CNTN5: variants seen among roughly 807,000 people sequenced by gnomAD.
CNTN5 encodes the protein contactin-5.
In CNTN5, 77 loss-of-function variants were observed where a neutral mutation model predicts 129.1. The observed-to-expected ratio is 0.60, with a 90% CI of 0.50 to 0.72. The LOEUF (loss-of-function observed/expected upper bound fraction) is 0.72. CNTN5 is among the 30% of genes least tolerant of loss of function. CNTN5 has a pLI of 0.00. For missense variants in CNTN5, 1,478 were observed against 1,328.8 expected (o/e 1.11, Z -1.75); for synonymous variants, 509 against 465.6 (o/e 1.09, Z -1.20).
At chr11:99,640,410 C>CG (rs1951728939) in intron 3 of CNTN5, among the ~76,000 whole-genome samples, 1 of 152,240 alleles carries the variant, frequency 6.6e-6, no homozygotes, top group South Asian at 2.1e-4. Context: ...GAAGCAAAAG[C>CG]GGAAACCCCT....
intron 1 of CNTN5, among the ~76,000 whole-genome samples, chr11:99,257,531 T>C (rs1015602891): frequency 1.3e-5 from 2 of 152,126 alleles, no homozygotes; most frequent in Non-Finnish European, 2.9e-5. Context: ...AAGAACATTG[T>C]GGATATTCAT....
At chr11:99,701,393 G>A (rs573444847) in intron 3 of CNTN5, among the ~76,000 whole-genome samples, 36 of 151,276 alleles carry the variant, frequency 2.4e-4, no homozygotes, top group African/African-American at 8.4e-4. Flanking sequence ...TTTTCAATAG[G>A]TAATAGAATA....
chr11:100,140,533 G>T (rs912770610), intron 13 of CNTN5, among the ~76,000 whole-genome samples: 10 of 152,138 alleles, frequency 6.6e-5, no homozygotes, highest in Admixed American at 2.0e-4. Flanking sequence ...GAACTAGAAG[G>T]ATGGAGTTGA....
At chr11:99,334,084 G>A (rs1866118364) in intron 2 of CNTN5, among the ~76,000 whole-genome samples, 1 of 151,572 alleles carries the variant, frequency 6.6e-6, no homozygotes, top group Admixed American at 6.6e-5. Flanking sequence ...AACTAAAAAG[G>A]CCAGCACATA....
chr11:99,088,412 G>A (rs1866089931), intron 1 of CNTN5, among the ~76,000 whole-genome samples: 1 of 152,112 alleles, frequency 6.6e-6, no homozygotes, highest in African/African-American at 2.4e-5. Flanking sequence ...GATCAAGGCC[G>A]TGATCTTTAA....
At chr11:100,112,877 T>TTATGAC (rs1448200010) in intron 13 of CNTN5, among the ~76,000 whole-genome samples, 2 of 152,148 alleles carry the variant, frequency 1.3e-5, no homozygotes, top group Admixed American at 6.6e-5. Context: ...GTTAATAATG[T>TTATGAC]TATGACTGAA....
chr11:99,666,378 C>T (rs530865285), intron 3 of CNTN5, among the ~76,000 whole-genome samples: 55 of 152,286 alleles, frequency 3.6e-4, no homozygotes, highest in African/African-American at 1.2e-3. Flanking sequence ...GACTTTTTAG[C>T]TGGAGAGTAG....
intron 2 of CNTN5, among the ~76,000 whole-genome samples, chr11:99,356,446 T>G (rs1565516728): frequency 6.6e-6 from 1 of 152,354 alleles, no homozygotes. Context: ...ACAGGATTGC[T>G]CAGTCAATCT....
At chr11:100,058,783 C>T (rs1197557709) in intron 9 of CNTN5, among the ~76,000 whole-genome samples, 1 of 152,074 alleles carries the variant, frequency 6.6e-6, no homozygotes, top group Admixed American at 6.6e-5. Flanking sequence ...TTACACTTAA[C>T]GGTTATAATC....
chr11:99,788,481 T>G (rs1945618063), intron 3 of CNTN5, among the ~76,000 whole-genome samples: 1 of 151,962 alleles, frequency 6.6e-6, no homozygotes, highest in Admixed American at 6.6e-5. Context: ...ATAAACACAT[T>G]ATTTTTATGT....
intron 13 of CNTN5, among the ~76,000 whole-genome samples, chr11:100,139,806 G>C (rs1946635999): frequency 1.3e-5 from 2 of 152,128 alleles, no homozygotes; most frequent in Non-Finnish European, 2.9e-5. Flanking sequence ...GGAGGCTGCG[G>C]TGAGCTGAGA....
chr11:100,298,097 A>G (rs1951134340), intron 19 of CNTN5, among the ~76,000 whole-genome samples: 1 of 151,298 alleles, frequency 6.6e-6, no homozygotes, highest in African/African-American at 2.4e-5. Context: ...CCATGAAGCC[A>G]CCTTCCTTTT....
At chr11:100,226,784 G>A (rs1434328210) in intron 16 of CNTN5, among the ~76,000 whole-genome samples, 1 of 152,040 alleles carries the variant, frequency 6.6e-6, no homozygotes, top group African/African-American at 2.4e-5. Context: ...TAAGTTTACA[G>A]CTCCTGGTAA....
chr11:100,159,779 A>G (rs1039099233), intron 13 of CNTN5, among the ~76,000 whole-genome samples: 1 of 151,940 alleles, frequency 6.6e-6, no homozygotes, highest in African/African-American at 2.4e-5. Context: ...AACTTGCTGA[A>G]TATTTGCAGC....
chr11:99,860,022 T>C (rs1045965903), intron 6 of CNTN5, among the ~76,000 whole-genome samples: 3 of 152,204 alleles, frequency 2.0e-5, no homozygotes, highest in African/African-American at 7.2e-5. Context: ...TTTTGATATT[T>C]TAGTAATAGC....
chr11:99,598,846 A>G (rs947989219), intron 3 of CNTN5, among the ~76,000 whole-genome samples: 7 of 151,956 alleles, frequency 4.6e-5, no homozygotes, highest in African/African-American at 1.7e-4. Flanking sequence ...GAAAAACACC[A>G]TTTTTCCTGA....
intron 4 of CNTN5, among the ~76,000 whole-genome samples, chr11:99,822,367 A>G (rs1389819868): frequency 6.6e-6 from 1 of 152,202 alleles, no homozygotes; most frequent in Admixed American, 6.6e-5. Flanking sequence ...TCAGAAGGGG[A>G]ATGGATACGT....
At chr11:100,159,470 C>A (rs1947366055) in intron 13 of CNTN5, among the ~76,000 whole-genome samples, 2 of 151,846 alleles carry the variant, frequency 1.3e-5, no homozygotes, top group Non-Finnish European at 2.9e-5. Context: ...GCTGTTTATA[C>A]TTCTGCTGTT....
At chr11:99,860,704 A>T (rs762073464) in intron 6 of CNTN5, among the ~76,000 whole-genome samples, 1 of 152,072 alleles carries the variant, frequency 6.6e-6, no homozygotes, top group Non-Finnish European at 1.5e-5. Context: ...CCATAGCCTT[A>T]TAGTGTAGTT....
Sources: allele counts gnomAD v4.1 joint callset (sites outside exome capture counted in the v4.1 genomes callset), GRCh38; gene constraint gnomAD v4.1.1; transcripts MANE v1.5; gene names NCBI Gene and HGNC (gene_info 2026-07-23, HGNC 2026-07-21).